SMAD3: variants seen among roughly 807,000 people sequenced by gnomAD.
The protein encoded by SMAD3 is SMAD family member 3.
Under a neutral mutation model 51.8 loss-of-function variants are expected in SMAD3, and 12 were observed. The ratio of observed to expected loss-of-function variants is 0.23; its 90% CI spans 0.15 to 0.38. The LOEUF (loss-of-function observed/expected upper bound fraction) is 0.38. SMAD3 is among the 10% of genes least tolerant of loss of function. SMAD3 has a pLI of 1.00. For synonymous variants in SMAD3, 238 were observed against 227.7 expected (o/e 1.05, Z -0.41); for missense variants, 294 against 565.6 (o/e 0.52, Z 4.87).
intron 1 of SMAD3, among the ~76,000 whole-genome samples, chr15:67,084,070 C>CTTTTTTTTTTTTTTTTTTTT (rs56675753): frequency 2.4e-5 from 2 of 85,066 alleles, no homozygotes; most frequent in African/African-American, 8.4e-5. Flanking sequence ...CTTTTTTTTT[C>CTTTTTTTTTTTTTTTTTTTT]TTTTTTTTTT....
At chr15:67,107,041 C>T (rs577316201) in intron 1 of SMAD3, among the ~76,000 whole-genome samples, 23 of 152,154 alleles carry the variant, frequency 1.5e-4, no homozygotes, top group African/African-American at 5.3e-4. Flanking sequence ...TGGCTTCTGT[C>T]GGCTTCCCTA....
intron 1 of SMAD3, among the ~76,000 whole-genome samples, chr15:67,151,004 C>T (rs974595710): frequency 5.3e-5 from 8 of 151,084 alleles, no homozygotes; most frequent in Non-Finnish European, 1.2e-4. Flanking sequence ...TACAGGTGCC[C>T]ACCACCATGC....
At chr15:67,186,470 A>G (rs915317054) in intron 7 of SMAD3, among the ~76,000 whole-genome samples, 2 of 152,166 alleles carry the variant, frequency 1.3e-5, no homozygotes, top group Admixed American at 6.5e-5. Flanking sequence ...AGGGTCCCCA[A>G]GAGAAAGCGA....
chr15:67,124,385 G>T (rs1322421428), intron 1 of SMAD3, among the ~76,000 whole-genome samples: 1 of 152,046 alleles, frequency 6.6e-6, no homozygotes, highest in Non-Finnish European at 1.5e-5. Context: ...ACAGCTTGTT[G>T]ATCTCCACAG....
chr15:67,143,093 A>G (rs2140267686), intron 1 of SMAD3: 1 of 213,734 alleles, frequency 4.7e-6, no homozygotes, highest in South Asian at 4.9e-5. Flanking sequence ...TTGCCTGTCA[A>G]GGTTTTTCAA....
intron 1 of SMAD3, among the ~76,000 whole-genome samples, chr15:67,111,427 A>G (rs1317520703): frequency 1.3e-5 from 2 of 152,180 alleles, no homozygotes; most frequent in African/African-American, 2.4e-5. Flanking sequence ...CTTCTTGGCT[A>G]TTGTAAATAA....
chr15:67,194,197 G>C lies in SMAD3; in HGVS notation c.*3661G>C, dbSNP rs886051430. On this transcript the variant is annotated 3_prime_UTR_variant, in exon 9 of 9. Transcript: ENST00000327367. ...CAGAACCAAACCTCAACACAGCGAA[G>C]CTGTACTGTCTTTGTGTGGCAAAGA... is the stretch of plus-strand genomic sequence containing the variant. The C allele has an allele frequency of 1.3e-5, 3 of 233,374 alleles. No individual in the cohort carries two copies. Among genetic ancestry groups the C allele is most frequent in the Admixed American group, 1.1e-4 (2 of 17,786 alleles). The allele number at this position is 233,374 out of a possible 1,614,324, so 14.5% of individuals were successfully genotyped here. A position where few individuals can be genotyped will look rare whatever the true frequency, so the allele number is the denominator to read the frequency against.
chr15:67,171,517 GATTTT>G, intron 5 of SMAD3, among the ~76,000 whole-genome samples: 1 of 152,300 alleles, frequency 6.6e-6, no homozygotes, highest in African/African-American at 2.4e-5. Context: ...ATGTAAGTTG[GATTTT>G]GTTTGGAACT....
At chr15:67,145,536 G>A (rs964715506) in intron 1 of SMAD3, among the ~76,000 whole-genome samples, 2 of 152,218 alleles carry the variant, frequency 1.3e-5, no homozygotes, top group African/African-American at 4.8e-5. Context: ...GCACAAGCTT[G>A]TTCCAGTAAT....
intron 1 of SMAD3, among the ~76,000 whole-genome samples, chr15:67,085,470 A>T (rs16950559): frequency 0.083 from 12,585 of 152,234 alleles, 822 homozygotes; most frequent in East Asian, 0.23. Flanking sequence ...TACTCATTTG[A>T]ATAGTTTCAG....
At chr15:67,139,255 G>GA (rs1157563287) in intron 1 of SMAD3, among the ~76,000 whole-genome samples, 1 of 151,818 alleles carries the variant, frequency 6.6e-6, no homozygotes, top group South Asian at 2.1e-4. Context: ...CACATTAGGG[G>GA]AAAAAAAATA....
At chr15:67,074,949 G>C (rs1460669772) in intron 1 of SMAD3, among the ~76,000 whole-genome samples, 2 of 152,102 alleles carry the variant, frequency 1.3e-5, no homozygotes, top group African/African-American at 4.8e-5. Context: ...TTATGAATCT[G>C]GTCCCTTTTG....
intron 1 of SMAD3, among the ~76,000 whole-genome samples, chr15:67,132,282 CA>C (rs1961544137): frequency 1.3e-5 from 2 of 152,174 alleles, no homozygotes; most frequent in Admixed American, 1.3e-4. Context: ...CCCTGACCCT[CA>C]CCGTATTTTT....
rs558813401 is a variant in SMAD3 at position 67,175,589 on chromosome 15, C to T, written c.658+4985C>T. ...TTCTTCCAAAGGGAGGACCCTCCCC[C>T]CAGGGTGCCACTTTGCACTGGCCTA... On this transcript the variant is annotated intron_variant, in intron 5 of 8. Coordinates refer to ENST00000327367, the MANE Select transcript of SMAD3 (RefSeq NM_005902.4). Among the ~76,000 whole-genome samples, 9 of 152,318 alleles carry T rather than the reference C, an allele frequency of 5.9e-5. No homozygotes were observed. The East Asian group carries it at 1.5e-3, about 26-fold the overall frequency.
chr15:67,095,639 C>G (rs1960599286), intron 1 of SMAD3, among the ~76,000 whole-genome samples: 1 of 151,928 alleles, frequency 6.6e-6, no homozygotes, highest in Non-Finnish European at 1.5e-5. Flanking sequence ...TCAAGTGATT[C>G]TCCTGCTTCA....
chr15:67,116,659 TG>T (rs1308228884), intron 1 of SMAD3, among the ~76,000 whole-genome samples: 3 of 152,082 alleles, frequency 2.0e-5, no homozygotes, highest in Non-Finnish European at 4.4e-5. Context: ...GCTACAGGTG[TG>T]GAAGTGCTCC....
At chr15:67,094,052 C>A (rs900584603) in intron 1 of SMAD3, among the ~76,000 whole-genome samples, 4 of 152,256 alleles carry the variant, frequency 2.6e-5, no homozygotes, top group Non-Finnish European at 5.9e-5. Flanking sequence ...CGGTGCTTCC[C>A]AGGCCCACAC....
At chr15:67,100,129 C>T (rs1049498002) in intron 1 of SMAD3, among the ~76,000 whole-genome samples, 3 of 144,216 alleles carry the variant, frequency 2.1e-5, no homozygotes, top group Non-Finnish European at 3.0e-5. Flanking sequence ...TGCAGTGAGC[C>T]GAGATCGCAC....
intron 1 of SMAD3, among the ~76,000 whole-genome samples, chr15:67,080,498 G>T (rs933571312): frequency 6.6e-6 from 1 of 152,124 alleles, no homozygotes; most frequent in Non-Finnish European, 1.5e-5. Flanking sequence ...TTTGAAGTCC[G>T]GGAGATGCCA....
Sources: allele counts gnomAD v4.1 joint callset (sites outside exome capture counted in the v4.1 genomes callset), GRCh38; gene constraint gnomAD v4.1.1; transcripts MANE v1.5; gene names NCBI Gene and HGNC (gene_info 2026-07-23, HGNC 2026-07-21).